FNDC3B: variants seen among roughly 807,000 people sequenced by gnomAD.
FNDC3B encodes the protein fibronectin type III domain containing 3B.
In FNDC3B, 12 loss-of-function variants were observed where a neutral mutation model predicts 151.5. The ratio of observed to expected loss-of-function variants is 0.08; its 90% CI spans 0.05 to 0.13. The LOEUF (loss-of-function observed/expected upper bound fraction) is 0.13, where lower values mean the gene tolerates loss of function less well. Among genes scored for constraint, FNDC3B ranks in the 10% least tolerant of loss-of-function variants. The pLI is 1.00. For synonymous variants in FNDC3B, 528 were observed against 549.0 expected, an observed-to-expected ratio of 0.96 and a Z score of 0.54; for missense variants, 1,214 against 1,505.3, an observed-to-expected ratio of 0.81 and a Z score of 3.20.
chr3:172,355,861 C>A (rs987599394), intron 22 of FNDC3B, among the ~76,000 whole-genome samples: 2 of 152,180 alleles, frequency 1.3e-5, no homozygotes, highest in Non-Finnish European at 2.9e-5. Context: ...TGTGCAGTGC[C>A]CAGACCTCCA....
chr3:172,376,522 A>C (rs1457561649), intron 23 of FNDC3B, among the ~76,000 whole-genome samples: 1 of 152,214 alleles, frequency 6.6e-6, no homozygotes, highest in Non-Finnish European at 1.5e-5. Context: ...ATTAAGGGCA[A>C]TTACTCCTGT....
At chr3:172,172,799 G>C (rs560479867) in intron 3 of FNDC3B, among the ~76,000 whole-genome samples, 1 of 149,132 alleles carries the variant, frequency 6.7e-6, no homozygotes, top group Non-Finnish European at 1.5e-5. Context: ...TCATGGTTTT[G>C]CAAATGGTCA....
rs76572580 is a variant in FNDC3B, at chr3:172,325,467, G to A, written c.1255-3485G>A. ...TTCACTTTATCACTCCTGTCAGTTC[G>A]TATGAATCTTTCAGTCCTCTAAAGC... On this transcript the variant is annotated intron_variant, in intron 11 of 25. Coordinates refer to ENST00000415807, the MANE Select transcript of FNDC3B (RefSeq NM_022763.4). Among the ~76,000 whole-genome samples, 360 of 152,288 alleles carry A rather than the reference G, an allele frequency of 2.4e-3. 1 individual carries two copies. The highest frequency in any genetic ancestry group is 8.2e-3 in the African/African-American group (342 of 41,570).
chr3:172,293,444 G>C (rs546122530), intron 7 of FNDC3B, among the ~76,000 whole-genome samples: 1 of 152,200 alleles, frequency 6.6e-6, no homozygotes, highest in Non-Finnish European at 1.5e-5. Context: ...CAGAAACTCA[G>C]ACTATCTTAT....
At chr3:172,154,451 C>T (rs1722387748) in intron 3 of FNDC3B, among the ~76,000 whole-genome samples, 1 of 152,164 alleles carries the variant, frequency 6.6e-6, no homozygotes, top group African/African-American at 2.4e-5. Context: ...CGTGATCCGC[C>T]GTCCTCCGCC....
chr3:172,204,783 G>T (rs942754997), intron 3 of FNDC3B, among the ~76,000 whole-genome samples: 3 of 152,180 alleles, frequency 2.0e-5, no homozygotes, highest in Non-Finnish European at 2.9e-5. Context: ...CAGAGCCCAT[G>T]GAAAAGATGT....
At position 172,352,459 on chromosome 3, in the gene FNDC3B, C is replaced by T. The variant is rs905725765; in HGVS notation, c.2515-344C>T. ...ACTCTGAGTTCCTGTCTCTAAAAGG[C>T]GGATAAGAATACCTACCATTTAAGA... On this transcript the variant is annotated intron_variant, in intron 21 of 25. Transcript: ENST00000415807. The surrounding 1 kb of genome is among the most constrained non-coding windows in gnomAD (Gnocchi z 4.2). Among the ~76,000 whole-genome samples the T allele has an allele frequency of 1.3e-5, 2 of 151,860 alleles. No individual in the cohort carries two copies. Among genetic ancestry groups the T allele is most frequent in the South Asian group, 2.1e-4 (1 of 4,810 alleles).
chr3:172,051,374 T>C (rs1414720649), intron 1 of FNDC3B, among the ~76,000 whole-genome samples: 2 of 152,228 alleles, frequency 1.3e-5, no homozygotes, highest in Admixed American at 6.5e-5. Flanking sequence ...TCTAATAGTC[T>C]CCTTGTCTCC....
At chr3:172,150,434 C>G (rs1722161724) in intron 3 of FNDC3B, among the ~76,000 whole-genome samples, 1 of 151,910 alleles carries the variant, frequency 6.6e-6, no homozygotes, top group Admixed American at 6.6e-5. Flanking sequence ...TGTGTCTTGA[C>G]TCCCCATCCC....
rs183396254 is a variant in FNDC3B, at chr3:172,065,653, C to T, written c.-29+25882C>T. On this transcript the variant is annotated intron_variant, in intron 1 of 25. Transcript: ENST00000415807. The stretch of plus-strand genomic sequence containing the variant: ...GCTCCCTTTGGCTGTGCATTAGCAA[C>T]GTGGCAGTTACTGATCTGTCATTTA... Among the ~76,000 whole-genome samples, 286 of 152,304 alleles carry T rather than the reference C, an allele frequency of 1.9e-3. 2 individuals are homozygous for T. Among genetic ancestry groups the T allele is most frequent in the African/African-American group, 6.2e-3 (256 of 41,574 alleles).
intron 3 of FNDC3B, among the ~76,000 whole-genome samples, chr3:172,173,778 G>A (rs1334425405): frequency 6.8e-6 from 1 of 147,194 alleles, no homozygotes; most frequent in Non-Finnish European, 1.5e-5. Flanking sequence ...TGTGATTGTG[G>A]CACTGTGTTC....
At chr3:172,046,996 T>G (rs1343070916) in intron 1 of FNDC3B, 1 of 152,180 alleles carries the variant, frequency 6.6e-6, no homozygotes, top group African/African-American at 2.4e-5. Flanking sequence ...ATAGTAAAAT[T>G]GGAGCACCTT....
chr3:172,042,449 A>C (rs1234627097), intron 1 of FNDC3B, among the ~76,000 whole-genome samples: 1 of 152,218 alleles, frequency 6.6e-6, no homozygotes, highest in African/African-American at 2.4e-5. Context: ...GTCAGTTTGG[A>C]AAATGAGGCC....
intron 20 of FNDC3B, 56 bp from the exon 21 acceptor site, chr3:172,347,156 C>T: frequency 6.7e-7 from 1 of 1,495,910 alleles, no homozygotes; most frequent in Non-Finnish European, 9.1e-7. Flanking sequence ...AATACAAGCA[C>T]AGTAGGATTC....
At chr3:172,078,635 G>A (rs972079093) in intron 1 of FNDC3B, among the ~76,000 whole-genome samples, 1 of 152,222 alleles carries the variant, frequency 6.6e-6, no homozygotes, top group Admixed American at 6.5e-5. Flanking sequence ...GCAGTAGGCT[G>A]ATCGGGGGTA....
At chr3:172,059,202 C>T (rs1717064257) in intron 1 of FNDC3B, among the ~76,000 whole-genome samples, 1 of 152,004 alleles carries the variant, frequency 6.6e-6, no homozygotes, top group East Asian at 1.9e-4. Context: ...TTGATGATAG[C>T]ACGTAACATA....
At chr3:172,171,370 A>C (rs1291000722) in intron 3 of FNDC3B, among the ~76,000 whole-genome samples, 2 of 151,920 alleles carry the variant, frequency 1.3e-5, no homozygotes, top group East Asian at 3.9e-4. Flanking sequence ...ATACCACTTC[A>C]TTTTCATTTT....
In FNDC3B at chr3:172,247,528, T is replaced by G; in HGVS notation, c.265-5T>G. On this transcript the variant is annotated splice_region_variant and splice_polypyrimidine_tract_variant and intron_variant, in intron 4 of 25. Coordinates refer to ENST00000415807, the MANE Select transcript of FNDC3B (RefSeq NM_022763.4). ...TGCGTTCTTTCCTTTTGTGTTTTTC[T>G]TTAGGTGATTGAAGATAGTACTGGA... The G allele has an allele frequency of 6.2e-7, 1 of 1,613,370 alleles. No individual in the cohort carries two copies. The highest frequency in any genetic ancestry group is 1.7e-5 in the Admixed American group (1 of 59,978).
chr3:172,346,561 T>TTTTC, intron 20 of FNDC3B, 121 bp downstream of exon 20: 6 of 601,642 alleles, frequency 1.0e-5, no homozygotes, highest in Admixed American at 6.4e-5. Flanking sequence ...TTTTTTTTTT[T>TTTTC]GCTCTGTGTA....
Sources: gnomAD v4.1 joint callset for allele counts (sites outside exome capture counted in the v4.1 genomes callset) on GRCh38, gnomAD v4.1.1 for gene constraint, Gnocchi (gnomAD v3.1) non-coding constraint, MANE v1.5 for transcripts, NCBI Gene and HGNC (gene_info 2026-07-23, HGNC 2026-07-21) for gene names.